The following ADGRG4 variants were observed in gnomAD, a reference collection of about 807,000 sequenced individuals.
ADGRG4 encodes the protein adhesion G protein-coupled receptor G4, also known as G protein-coupled receptor 112.
ADGRG4 carries 122 observed loss-of-function variants against 126.2 expected under a neutral mutation model. That is an observed-to-expected ratio of 0.97 (90% CI 0.83 to 1.12). The LOEUF (loss-of-function observed/expected upper bound fraction) is 1.12, where lower values mean the gene tolerates loss of function less well. Ranked by LOEUF, ADGRG4 falls within the 50% of genes most tolerant of loss-of-function variation. ADGRG4 has a pLI of 0.00. For missense variants in ADGRG4, 2,481 were observed against 2,251.8 expected, an observed-to-expected ratio of 1.10 and a Z score of -2.06; for synonymous variants, 943 against 838.7, an observed-to-expected ratio of 1.12 and a Z score of -2.15.
At chrX:136,356,914 G>GA (rs1028181848) in intron 9 of ADGRG4, among the ~76,000 whole-genome samples, 16 of 111,425 alleles carry the variant, frequency 1.4e-4, no homozygotes, top group African/African-American at 5.2e-4. Flanking sequence ...GAGGCGGGGG[G>GA]ATCACATGAG....
chrX:136,384,019 G>A (rs2075280501), intron 15 of ADGRG4, among the ~76,000 whole-genome samples: 1 of 109,731 alleles, frequency 9.1e-6, no homozygotes, highest in Non-Finnish European at 1.9e-5. Flanking sequence ...AGCCTCCAGA[G>A]TAGTGGGGAC....
intron 15 of ADGRG4, among the ~76,000 whole-genome samples, chrX:136,377,012 C>T (rs1230556171): frequency 9.1e-6 from 1 of 110,393 alleles, no homozygotes; most frequent in Admixed American, 9.7e-5. Flanking sequence ...AAGTGGGCAT[C>T]CCTTTTATTA....
intron 3 of ADGRG4, among the ~76,000 whole-genome samples, chrX:136,305,777 C>T (rs2074729667): frequency 8.9e-6 from 1 of 112,054 alleles, no homozygotes; most frequent in Non-Finnish European, 1.9e-5. Flanking sequence ...AACAAGTACC[C>T]TTTTAATATA....
At chrX:136,317,559 G>A (rs142861022) in intron 4 of ADGRG4, among the ~76,000 whole-genome samples, 2,971 of 105,494 alleles carry the variant, frequency 0.028, 46 homozygotes, top group Middle Eastern at 0.088. Context: ...AAAAGCATGA[G>A]CAATAAAAGA....
chrX:136,367,028 A>G (rs779032508), intron 13 of ADGRG4, among the ~76,000 whole-genome samples: 1 of 111,346 alleles, frequency 9.0e-6, no homozygotes, highest in Admixed American at 9.5e-5. Context: ...CCCTTTCACC[A>G]TGTGAGGTTA....
At chrX:136,402,794 T>C (rs1366002964) in intron 21 of ADGRG4, among the ~76,000 whole-genome samples, 1 of 111,572 alleles carries the variant, frequency 9.0e-6, no homozygotes, top group Non-Finnish European at 1.9e-5. Flanking sequence ...AGTTTCCCTG[T>C]CAAAAAAGCA....
intron 11 of ADGRG4, among the ~76,000 whole-genome samples, chrX:136,361,030 C>T (rs1382820923): frequency 9.1e-6 from 1 of 109,976 alleles, no homozygotes; most frequent in Non-Finnish European, 1.9e-5. Flanking sequence ...AGAACAATGT[C>T]AGGTGAGGTG....
chrX:136,378,856 A>G (rs2075243364), intron 15 of ADGRG4, among the ~76,000 whole-genome samples: 2 of 112,117 alleles, frequency 1.8e-5, no homozygotes, highest in East Asian at 2.8e-4. Flanking sequence ...GTCATCATGC[A>G]TCATCATGTT....
Position 136,346,094 on chromosome X carries a change from A to G in ADGRG4, c.2388A>G (p.Gln796=), listed in dbSNP as rs2075015055. Residue 796 remains glutamine (Q), a synonymous_variant, in exon 6 of 26, where the codon CAA becomes CAG. Coordinates refer to ENST00000394143, the MANE Select transcript of ADGRG4 (RefSeq NM_153834.4). The part of the protein sequence containing the change: ...VDIISTLACI[Q]PNFSTEESAS... ...TAATATCTACTCTTGCTTGCATTCA[A>G]CCAAATTTTTCTACTGAGGAAAGTG... is the stretch of plus-strand genomic sequence containing the variant. 1 of 1,210,599 alleles carries G rather than the reference A, an allele frequency of 8.3e-7. No individual in the cohort carries two copies. The highest frequency in any genetic ancestry group is 1.7e-5 in the African/African-American group (1 of 57,764).
chrX:136,370,906 G>A (rs1332214358), intron 13 of ADGRG4, among the ~76,000 whole-genome samples: 1 of 109,458 alleles, frequency 9.1e-6, no homozygotes, highest in Non-Finnish European at 1.9e-5. Context: ...TTTTTCCTGT[G>A]GTTTGATGGT....
At chrX:136,317,886 AAAC>A (rs1378215089) in intron 4 of ADGRG4, among the ~76,000 whole-genome samples, 1 of 112,314 alleles carries the variant, frequency 8.9e-6, no homozygotes, top group Non-Finnish European at 1.9e-5. Flanking sequence ...AGTAAATGGA[AAAC>A]AACAAGTGTT....
intron 15 of ADGRG4, among the ~76,000 whole-genome samples, chrX:136,377,439 C>T (rs1433862868): frequency 2.7e-5 from 3 of 110,788 alleles, no homozygotes; most frequent in South Asian, 7.6e-4. Flanking sequence ...GGCAATCCTC[C>T]CACCTTGGCC....
intron 1 of ADGRG4, 35 bp downstream of exon 1, chrX:136,301,035 T>C (rs1276402494): frequency 8.9e-6 from 1 of 112,538 alleles, no homozygotes; most frequent in Non-Finnish European, 1.9e-5. Context: ...TGAATAATGC[T>C]GCAATAAACA....
At position 136,349,855 on chromosome X, in the gene ADGRG4, C is replaced by A; in HGVS notation, c.6149C>A (p.Ala2050Glu). The A allele has an allele frequency of 8.3e-7, 1 of 1,209,045 alleles. No individual in the cohort carries two copies. ...STFLTSDMIS[A>E]HPFTNLTTLP... ...TTTCTGACATCTGACATGATATCAGCGCACCCATTCACTAACTTGACAACA... is the reference window on the plus strand; with the variant it reads ...TTTCTGACATCTGACATGATATCAGAGCACCCATTCACTAACTTGACAACA... Residue 2050 changes from alanine (A) to glutamate (E), a missense_variant, in exon 6 of 26, where the codon GCG becomes GAG. Ala to Glu is a moderately radical substitution (Grantham distance 107, BLOSUM62 -1). Transcript: ENST00000394143.
intron 5 of ADGRG4, among the ~76,000 whole-genome samples, chrX:136,334,746 ATAGAAATGTGAT>A (rs2074938898): frequency 8.9e-6 from 1 of 112,506 alleles, no homozygotes; most frequent in Admixed American, 9.4e-5. Context: ...TTTTTAGGAC[ATAGAAATGTGAT>A]TGCTTTTTGT....
chrX:136,308,860 ATTC>A lies in ADGRG4; in HGVS notation c.70+16_70+18del, dbSNP rs1158478185. 1 of 964,282 alleles carries A rather than the reference ATTC, an allele frequency of 1.0e-6. No homozygotes were observed. Among genetic ancestry groups the A allele is most frequent in the African/African-American group, 1.9e-5 (1 of 53,070 alleles). The allele number at this position is 964,282 out of a possible 1,213,427, so 79.5% of individuals were successfully genotyped here. A position where few individuals can be genotyped will look rare whatever the true frequency, so the allele number is the denominator to read the frequency against. ...ATCTTTCTCTCAGGTAAGAAAATGT[ATTC>A]TTATTATCTCTTTCAATGTCTCATG... On this transcript the variant is annotated intron_variant, in intron 4 of 25. Coordinates refer to ENST00000394143, the MANE Select transcript of ADGRG4 (RefSeq NM_153834.4).
chrX:136,377,663 A>G (rs1016869578), intron 15 of ADGRG4, among the ~76,000 whole-genome samples: 15 of 111,609 alleles, frequency 1.3e-4, no homozygotes, highest in Admixed American at 1.9e-4. Context: ...AACTCAATTA[A>G]TTGATTTATG....
rs763069757 is a variant in ADGRG4 at position 136,353,785 on chromosome X, G to A, written c.6887+384G>A. Among the ~76,000 whole-genome samples, 5 of 112,102 alleles carry A rather than the reference G, an allele frequency of 4.5e-5. No individual in the cohort carries two copies. The South Asian group carries it at 1.8e-3, about 41-fold the overall frequency. ...TTTATTTTGGAATGATTCACTTTCAGAAAAGAGAAATTCCAAAGTGAACTT... is the reference window on the plus strand; with the variant it reads ...TTTATTTTGGAATGATTCACTTTCAAAAAAGAGAAATTCCAAAGTGAACTT... On this transcript the variant is annotated intron_variant, in intron 8 of 25. Coordinates refer to ENST00000394143, the MANE Select transcript of ADGRG4 (RefSeq NM_153834.4).
intron 15 of ADGRG4, among the ~76,000 whole-genome samples, chrX:136,378,980 A>T (rs2075244113): frequency 8.9e-6 from 1 of 111,781 alleles, no homozygotes; most frequent in Non-Finnish European, 1.9e-5. Context: ...GTCAGGCTTT[A>T]GAAAGATTTT....
Sources: gnomAD v4.1 joint callset for allele counts (sites outside exome capture counted in the v4.1 genomes callset) on GRCh38, gnomAD v4.1.1 for gene constraint, MANE v1.5 for transcripts, NCBI Gene and HGNC (gene_info 2026-07-23, HGNC 2026-07-21) for gene names.